Variants in SAMHD1 observed in about 807,000 individuals in gnomAD.
SAMHD1 encodes SAM and HD domain containing deoxynucleoside triphosphate triphosphohydrolase 1.
Under a neutral mutation model 79.6 loss-of-function variants are expected in SAMHD1, and 54 were observed. The observed-to-expected ratio is 0.68, with a 90% confidence interval of 0.55 to 0.85. The LOEUF (loss-of-function observed/expected upper bound fraction) is 0.85, where lower values mean the gene tolerates loss of function less well. Ranked by LOEUF, SAMHD1 falls within the 40% of genes least tolerant of loss-of-function variation. The pLI is 0.00. For missense variants in SAMHD1, 663 were observed against 782.7 expected (o/e 0.85, Z 1.82); for synonymous variants, 260 against 264.1 (o/e 0.98, Z 0.15).
intron 1 of SAMHD1, among the ~76,000 whole-genome samples, chr20:36,949,265 G>GA (rs1197872646): frequency 6.6e-6 from 1 of 150,518 alleles, no homozygotes; most frequent in African/African-American, 2.4e-5. Context: ...CTCCATCTCA[G>GA]AAAAAAAATA....
intron 6 of SAMHD1, among the ~76,000 whole-genome samples, chr20:36,921,276 C>T (rs2063501933): frequency 6.7e-6 from 1 of 150,272 alleles, no homozygotes; most frequent in African/African-American, 2.5e-5. Flanking sequence ...ACCTGTAGTC[C>T]CAGCTACTCA....
intron 9 of SAMHD1, among the ~76,000 whole-genome samples, 199 bp from the exon 10 acceptor site, chr20:36,912,751 A>ATTTTT (rs66970329): frequency 4.7e-5 from 5 of 107,058 alleles, no homozygotes; most frequent in African/African-American, 6.9e-5. Context: ...TGCAACTTTC[A>ATTTTT]TTTTTTTTTT....
At chr20:36,901,143 G>C (rs1990298860) in intron 13 of SAMHD1, among the ~76,000 whole-genome samples, 1 of 152,188 alleles carries the variant, frequency 6.6e-6, no homozygotes, top group Admixed American at 6.6e-5. Context: ...CCCTGAAAAA[G>C]AGGAGAGGGG....
intron 6 of SAMHD1, among the ~76,000 whole-genome samples, chr20:36,924,896 C>T (rs1341001732): frequency 1.3e-5 from 2 of 151,918 alleles, no homozygotes; most frequent in African/African-American, 2.4e-5. Context: ...CGGTGGCTCA[C>T]GTCTGTAATC....
rs138535783 is a variant in SAMHD1 at position 36,906,163 on chromosome 20, C to T, written c.1271-660G>A. 2.4e-3 allele frequency among the ~76,000 whole-genome samples: 361 copies of T among 152,148 alleles called. 1 individual carries two copies. Among genetic ancestry groups the T allele is most frequent in the East Asian group, 0.014 (70 of 5,174 alleles). Reference sequence around the variant, plus strand: ...TCTTTAAGAAAGAATGGTGGCTAGGCGCTGTGGCTCACACCTGTGATCCCA... The same window carrying T: ...TCTTTAAGAAAGAATGGTGGCTAGGTGCTGTGGCTCACACCTGTGATCCCA... On this transcript the variant is annotated intron_variant, in intron 11 of 15. Coordinates refer to ENST00000646673, the MANE Select transcript of SAMHD1 (RefSeq NM_015474.4).
At chr20:36,948,892 AAAG>A (rs2063713585) in intron 1 of SAMHD1, among the ~76,000 whole-genome samples, 1 of 144,012 alleles carries the variant, frequency 6.9e-6, no homozygotes, top group Non-Finnish European at 1.5e-5. Context: ...GAAAAGAAAA[AAAG>A]AAAAGAAAAG....
At chr20:36,920,781 A>G in intron 6 of SAMHD1, among the ~76,000 whole-genome samples, 1 of 137,092 alleles carries the variant, frequency 7.3e-6, no homozygotes, top group South Asian at 2.4e-4. Context: ...AAAAAAAAAA[A>G]CCCACAAAAA....
rs2148355563 is a variant in SAMHD1, at chr20:36,897,910, T to C, written c.1658A>G (p.Tyr553Cys). Reference sequence around the variant, plus strand: ...ACTCTTTCTGTCCACCTTCTTACAATATACTCGAATCAGCTGCTCTGCAAA... The same window carrying C: ...ACTCTTTCTGTCCACCTTCTTACAACATACTCGAATCAGCTGCTCTGCAAA... ...EKFAEQLIRV[Y>C]CKKVDRKSLY... The change falls in exon 15 of 16, where the codon TAT becomes TGT. Residue 553 changes from tyrosine (Y) to cysteine (C), a missense_variant. By Grantham distance (194) the Tyr-to-Cys change is radical. Coordinates refer to ENST00000646673, the MANE Select transcript of SAMHD1 (RefSeq NM_015474.4). The C allele has an allele frequency of 6.2e-7, 1 of 1,614,228 alleles. No individual in the cohort carries two copies. The highest frequency in any genetic ancestry group is 8.5e-7 in the Non-Finnish European group (1 of 1,180,034).
chr20:36,927,238 AAAATGGCCCATG>A lies in SAMHD1; in HGVS notation c.628_639del (p.His210_Phe213del). 6.2e-7 allele frequency: 1 copy of A among 1,613,914 alleles called. No homozygotes were observed. The highest frequency in any genetic ancestry group is 8.5e-7 in the Non-Finnish European group (1 of 1,179,860). On this transcript the variant is annotated inframe_deletion and splice_region_variant, in exon 6 of 16. Transcript: ENST00000646673. ...ATAAATCGTCCATCAAACATGTGAG[AAAATGGCCCATG>A]ACCTTAAAAACAAAAGCAGCCTTAG...
chr20:36,912,299 A>T (rs2063445120), intron 10 of SAMHD1, 162 bp downstream of exon 10: 1 of 618,864 alleles, frequency 1.6e-6, no homozygotes, highest in Non-Finnish European at 2.9e-6. Context: ...CTCCAACTAA[A>T]TTAACTTTAT....
chr20:36,941,165 C>T, intron 2 of SAMHD1, 54 bp from the exon 3 acceptor site: 2 of 1,178,126 alleles, frequency 1.7e-6, no homozygotes. Context: ...ATAATAATCC[C>T]TGCAGTATAT....
intron 1 of SAMHD1, among the ~76,000 whole-genome samples, chr20:36,947,602 T>C (rs577122895): frequency 6.6e-6 from 1 of 150,938 alleles, no homozygotes; most frequent in East Asian, 1.9e-4. Flanking sequence ...TGTTGGGTTT[T>C]TTCCTTTCTC....
At chr20:36,925,719 AACAAAGT>A (rs1300526267) in intron 6 of SAMHD1, among the ~76,000 whole-genome samples, 1 of 152,224 alleles carries the variant, frequency 6.6e-6, no homozygotes, top group Non-Finnish European at 1.5e-5. Flanking sequence ...ATATATCAAT[AACAAAGT>A]ACAAAGTACA....
chr20:36,947,593 G>A (rs1305726243), intron 1 of SAMHD1, among the ~76,000 whole-genome samples: 2 of 135,878 alleles, frequency 1.5e-5, no homozygotes, highest in Admixed American at 7.5e-5. Context: ...TGTGTGTGTT[G>A]TTGGGTTTTT....
intron 3 of SAMHD1, among the ~76,000 whole-genome samples, chr20:36,938,472 G>A (rs766590271): frequency 1.2e-4 from 18 of 151,736 alleles, no homozygotes; most frequent in Non-Finnish European, 2.1e-4. Context: ...CCCGGGAGGC[G>A]GAGGTTGCAG....
intron 11 of SAMHD1, among the ~76,000 whole-genome samples, chr20:36,907,951 T>C (rs1182072614): frequency 6.7e-6 from 1 of 149,728 alleles, no homozygotes. Context: ...TCTCAGCTAA[T>C]TGCAGCCTCC....
At chr20:36,912,661 T>C (rs2063448046) in intron 9 of SAMHD1, 109 bp from the exon 10 acceptor site, 1 of 766,906 alleles carries the variant, frequency 1.3e-6, no homozygotes, top group African/African-American at 1.7e-5. Context: ...ACAAGAGGGC[T>C]ATGCACCGGG....
rs1190181321 is a variant in SAMHD1 at position 36,943,495 on chromosome 20, GTGCAATATAGTGTTCCTTCTGGAACAC to G, written c.276-2411_276-2385del. Among the ~76,000 whole-genome samples, 149 of 152,232 alleles carry G rather than the reference GTGCAATATAGTGTTCCTTCTGGAACAC, an allele frequency of 9.8e-4. 1 individual carries two copies. Among genetic ancestry groups the G allele is most frequent in the African/African-American group, 2.3e-3 (96 of 41,540 alleles). On this transcript the variant is annotated intron_variant, in intron 2 of 15. Coordinates refer to ENST00000646673, the MANE Select transcript of SAMHD1 (RefSeq NM_015474.4). ...GAGTTATGAGGTGGGGCACAGAGAC[GTGCAATATAGTGTTCCTTCTGGAACAC>G]TGCAATATAGTGTTCCTTTGTCTGT...
Position 36,951,397 on chromosome 20 carries a change from T to C in SAMHD1, c.208+39A>G, listed in dbSNP as rs554069860. Reference sequence around the variant, plus strand: ...CAGGGCGCCTGGCCCGCGCCCCAGGTCGCCGCCCTTCGCCCCTCAGCCCCT... The same window carrying C: ...CAGGGCGCCTGGCCCGCGCCCCAGGCCGCCGCCCTTCGCCCCTCAGCCCCT... On this transcript the variant is annotated intron_variant, in intron 1 of 15. Transcript: ENST00000646673. The C allele has an allele frequency of 2.5e-6, 4 of 1,609,904 alleles. No homozygotes were observed. The African/African-American group carries it at 5.3e-5, about 21-fold the overall frequency.
Sources: allele counts gnomAD v4.1 joint callset (sites outside exome capture counted in the v4.1 genomes callset), GRCh38; gene constraint gnomAD v4.1.1; transcripts MANE v1.5; gene names NCBI Gene and HGNC (gene_info 2026-07-23, HGNC 2026-07-21).